The following SLC12A9 variants were observed in gnomAD, a reference collection of about 807,000 sequenced individuals.
SLC12A9 encodes solute carrier family 12 member 9, also known as CCC-interacting protein 1.
SLC12A9 carries 55 observed loss-of-function variants against 66.0 expected under a neutral mutation model. The ratio of observed to expected loss-of-function variants is 0.83; its 90% CI spans 0.67 to 1.04. The LOEUF (loss-of-function observed/expected upper bound fraction) is 1.04, where lower values mean the gene tolerates loss of function less well. Ranked by LOEUF, SLC12A9 falls within the 50% of genes least tolerant of loss-of-function variation. The pLI is 0.00. For synonymous variants in SLC12A9, 577 were observed against 569.0 expected, an observed-to-expected ratio of 1.01 and a Z score of -0.20; for missense variants, 1,061 against 1,241.9, an observed-to-expected ratio of 0.85 and a Z score of 2.19.
Position 100,855,822 on chromosome 7 carries a change from G to A in SLC12A9, c.433G>A (p.Asp145Asn), listed in dbSNP as rs1320239177. The part of the protein sequence containing the change: ...SLLGLVESVL[D>N]VFGADATGPS... ...CCTGGGGCTGGTGGAGTCTGTGCTT[G>A]ATGTCTTCGGGGCCGGTCTGTGCTC... Residue 145 changes from aspartate (D) to asparagine (N), a missense_variant, in exon 4 of 14, where the codon GAT (aspartate) becomes AAT (asparagine). Coordinates refer to ENST00000354161, the MANE Select transcript of SLC12A9 (RefSeq NM_020246.4). 6.2e-7 allele frequency: 1 copy of A among 1,610,596 alleles called. No individual in the cohort carries two copies. Among genetic ancestry groups the A allele is most frequent in the Admixed American group, 1.7e-5 (1 of 59,736 alleles).
At chr7:100,864,537 C>CAGCCTGGCTCAATGG (rs11267282) in intron 13 of SLC12A9, among the ~76,000 whole-genome samples, 1 of 151,910 alleles carries the variant, frequency 6.6e-6, no homozygotes, top group Non-Finnish European at 1.5e-5. Flanking sequence ...CCTGTAAACT[C>CAGCCTGGCTCAATGG]AGCAATTATC....
intron 1 of SLC12A9, among the ~76,000 whole-genome samples, chr7:100,844,152 A>G (rs1185914505): frequency 1.3e-5 from 2 of 152,200 alleles, no homozygotes; most frequent in African/African-American, 4.8e-5. Flanking sequence ...GACTGTTCCC[A>G]GTATATACAT....
intron 1 of SLC12A9, among the ~76,000 whole-genome samples, chr7:100,846,787 G>C (rs2116545457): frequency 6.6e-6 from 1 of 152,254 alleles, no homozygotes; most frequent in East Asian, 1.9e-4. Flanking sequence ...GAAAGAAAAA[G>C]TAAAAACTAA....
chr7:100,835,990 G>T (rs974943437), intron 1 of SLC12A9, among the ~76,000 whole-genome samples: 3 of 152,216 alleles, frequency 2.0e-5, no homozygotes, highest in Admixed American at 2.0e-4. Context: ...GGTAGTGGGA[G>T]GGTTGGGGAG....
rs559068679 is a variant in SLC12A9, at chr7:100,861,955, C to T, written c.1711+44C>T. ...CACTCACTCACTCCCATCCTTCTCT[C>T]CCCCTACCTTTTTTTTTTTTTTGAG... On this transcript the variant is annotated intron_variant, in intron 12 of 13. Transcript: ENST00000354161. The surrounding 1 kb of genome is among the most constrained non-coding windows in gnomAD (Gnocchi z 5.3). The T allele has an allele frequency of 2.0e-6, 3 of 1,498,810 alleles. No homozygotes were observed. Among genetic ancestry groups the T allele is most frequent in the Non-Finnish European group, 2.7e-6 (3 of 1,124,572 alleles). 92.8% of individuals were successfully genotyped at this position (1,498,810 alleles called of 1,614,324 possible).
upstream of SLC12A9, among the ~76,000 whole-genome samples, chr7:100,847,956 C>T (rs1207719213): frequency 1.3e-5 from 2 of 151,544 alleles, no homozygotes; most frequent in African/African-American, 2.4e-5. Flanking sequence ...CATGGTGGCA[C>T]GTGCCTGTAA....
chr7:100,858,669 A>C (rs1000616346), intron 5 of SLC12A9, 166 bp from the exon 6 acceptor site: 1 of 610,912 alleles, frequency 1.6e-6, no homozygotes, highest in Non-Finnish European at 2.9e-6. Flanking sequence ...GGACGTGGCA[A>C]TGTGTCTGGC....
upstream of SLC12A9, among the ~76,000 whole-genome samples, chr7:100,851,624 C>A (rs552923498): frequency 4.4e-4 from 52 of 118,568 alleles, no homozygotes; most frequent in African/African-American, 1.7e-3. Context: ...GAAACCCGGT[C>A]TCTACAAAAT....
rs749248602 is a variant in SLC12A9 at position 100,861,947 on chromosome 7, C to G, written c.1711+36C>G. The G allele has an allele frequency of 6.6e-7, 1 of 1,515,628 alleles. No homozygotes were observed. Among genetic ancestry groups the G allele is most frequent in the Non-Finnish European group, 8.8e-7 (1 of 1,133,384 alleles). The allele number at this position is 1,515,628 out of a possible 1,614,324, so 93.9% of individuals were successfully genotyped here. On this transcript the variant is annotated intron_variant, in intron 12 of 13. Coordinates refer to ENST00000354161, the MANE Select transcript of SLC12A9 (RefSeq NM_020246.4). The surrounding 1 kb of genome is among the most constrained non-coding windows in gnomAD (Gnocchi z 5.3). ...CTCCCACTCACTCACTCACTCCCAT[C>G]CTTCTCTCCCCCTACCTTTTTTTTT...
rs768060080 is a variant in SLC12A9 at position 100,854,252 on chromosome 7, G to T, written c.55G>T (p.Val19Phe). The T allele has an allele frequency of 6.3e-7, 1 of 1,580,836 alleles. No individual in the cohort carries two copies. The highest frequency in any genetic ancestry group is 2.1e-5 in the Admixed American group (1 of 48,258). ...LAYRLLGEEG[V>F]ALPANGAGGP... ...CTACCGGCTCCTGGGGGAGGAGGGGGTTGCCCTCCCTGCCAATGGGGCCGG... is the reference window on the plus strand; with the variant it reads ...CTACCGGCTCCTGGGGGAGGAGGGGTTTGCCCTCCCTGCCAATGGGGCCGG... Residue 19 changes from valine (V) to phenylalanine (F), a missense_variant, in exon 2 of 14, where the codon GTT becomes TTT. Physicochemically the swap from Val to Phe is conservative, Grantham distance 50 (BLOSUM62 -1). Transcript: ENST00000354161.
chr7:100,851,652 G>GGAT (rs1814082336), upstream of SLC12A9, among the ~76,000 whole-genome samples: 1 of 3,390 alleles, frequency 2.9e-4, no homozygotes, highest in Admixed American at 5.5e-3. Context: ...AATTAGCCAG[G>GGAT]CGTGGTGTGT....
rs752419476 is a variant in SLC12A9 at position 100,865,397 on chromosome 7, C to T, written c.1859-322C>T. 41 of 1,536,094 alleles carry T rather than the reference C, an allele frequency of 2.7e-5. 1 individual carries two copies. Among genetic ancestry groups the T allele is most frequent in the South Asian group, 9.5e-5 (8 of 84,062 alleles). On this transcript the variant is annotated intron_variant, in intron 13 of 13. Coordinates refer to ENST00000354161, the MANE Select transcript of SLC12A9 (RefSeq NM_020246.4). ...ATCCCCTGCCGTGAAACAGATGCCC[C>T]GCTAGAAGCCGGGAGTGGACAGCAT...
intron 1 of SLC12A9, among the ~76,000 whole-genome samples, chr7:100,839,532 G>A (rs141657795): frequency 6.6e-6 from 1 of 152,324 alleles, no homozygotes; most frequent in East Asian, 1.9e-4. Flanking sequence ...GGCGGCTTAA[G>A]CCTGCCGTGT....
At position 100,854,299 on chromosome 7, in the gene SLC12A9, C is replaced by T. The variant is rs772801689; in HGVS notation, c.102C>T (p.Ala34=). 1.9e-6 allele frequency: 3 copies of T among 1,604,740 alleles called. No homozygotes were observed. The highest frequency in any genetic ancestry group is 2.5e-6 in the Non-Finnish European group (3 of 1,177,644). Residue 34 remains alanine, a synonymous_variant, in exon 2 of 14, where the codon GCC becomes GCT. Coordinates refer to ENST00000354161, the MANE Select transcript of SLC12A9 (RefSeq NM_020246.4). Reference sequence around the variant, plus strand: ...CCGGGGGTCCTGGAGGGGCGTCTGCCCGGAAGCTGTCCACCTTCCTGGGTG... The same window carrying T: ...CCGGGGGTCCTGGAGGGGCGTCTGCTCGGAAGCTGTCCACCTTCCTGGGTG... ...NGAGGPGGAS[A]RKLSTFLGVV... is the part of the protein sequence containing the mutation.
At position 100,846,428 on chromosome 7, in the gene SLC12A9, G is replaced by C. The variant is rs189537032; in HGVS notation, n.229-13457G>C. Among the ~76,000 whole-genome samples, 521 of 152,240 alleles carry C rather than the reference G, an allele frequency of 3.4e-3. 5 individuals carry two copies. The highest frequency in any genetic ancestry group is 6.0e-3 in the Admixed American group (92 of 15,282). On this transcript the variant is annotated intron_variant and non_coding_transcript_variant, in intron 1 of 1. Transcript: ENST00000461016. ...AAAAATACAAAAAAATGAGCCGGGC[G>C]TGGTGGCGGGCGCCTGTAGTCCCAG...
chr7:100,848,983 G>A (rs1392840916), upstream of SLC12A9, among the ~76,000 whole-genome samples: 1 of 151,370 alleles, frequency 6.6e-6, no homozygotes, highest in Admixed American at 6.6e-5. Context: ...TGTTTGGTTA[G>A]TTTTTTGTTT....
chr7:100,827,812 A>AC (rs1312764415), intron 1 of SLC12A9, among the ~76,000 whole-genome samples: 1 of 151,834 alleles, frequency 6.6e-6, no homozygotes, highest in African/African-American at 2.4e-5. Flanking sequence ...GGGCCCAGGG[A>AC]CCCCCGGGAC....
intron 1 of SLC12A9, among the ~76,000 whole-genome samples, chr7:100,837,855 T>TG (rs202045615): frequency 0.32 from 28,174 of 87,056 alleles, 2,903 homozygotes; most frequent in East Asian, 0.53. Flanking sequence ...ATTTCAATTT[T>TG]TTTTTTTTTT....
chr7:100,864,966 C>CT (rs1256054972), intron 13 of SLC12A9, among the ~76,000 whole-genome samples: 5 of 150,652 alleles, frequency 3.3e-5, no homozygotes, highest in African/African-American at 4.9e-5. Context: ...TTCTTTTTTT[C>CT]TTTTTTTTTG....
Sources: gnomAD v4.1 joint callset for allele counts (sites outside exome capture counted in the v4.1 genomes callset) on GRCh38, gnomAD v4.1.1 for gene constraint, Gnocchi (gnomAD v3.1) non-coding constraint, MANE v1.5 for transcripts, NCBI Gene and HGNC (gene_info 2026-07-23, HGNC 2026-07-21) for gene names.